The following CD99L2 variants were observed in gnomAD, a reference collection of about 807,000 sequenced individuals.
CD99L2 encodes the protein CD99 molecule like 2.
In CD99L2, 24 loss-of-function variants were observed where a neutral mutation model predicts 27.3. That is an observed-to-expected ratio of 0.88 (90% confidence interval 0.64 to 1.24). The LOEUF is 1.24. Ranked by LOEUF, CD99L2 falls within the 50% of genes most tolerant of loss-of-function variation. CD99L2 has a pLI of 0.00. For missense variants in CD99L2, 255 were observed against 221.6 expected, an observed-to-expected ratio of 1.15 and a Z score of -0.96; for synonymous variants, 97 against 87.9, an observed-to-expected ratio of 1.10 and a Z score of -0.58.
At chrX:150,778,285 C>G (rs1207868193) in intron 7 of CD99L2, among the ~76,000 whole-genome samples, 1 of 110,671 alleles carries the variant, frequency 9.0e-6, no homozygotes, top group Non-Finnish European at 1.9e-5. Flanking sequence ...TCATGCCACC[C>G]TCTTCTCAGG....
intron 7 of CD99L2, among the ~76,000 whole-genome samples, chrX:150,788,965 T>C (rs1187130251): frequency 5.4e-5 from 6 of 111,912 alleles, no homozygotes; most frequent in Non-Finnish European, 1.1e-4. Flanking sequence ...AGGTGCATAG[T>C]GGTATCTTGT....
intron 1 of CD99L2, among the ~76,000 whole-genome samples, chrX:150,872,441 A>G (rs2047171239): frequency 1.0e-5 from 1 of 97,396 alleles, no homozygotes; most frequent in African/African-American, 4.2e-5. Flanking sequence ...TAGGAAACAT[A>G]CCAGAACTGA....
At chrX:150,809,030 A>C (rs1459224027) in intron 4 of CD99L2, among the ~76,000 whole-genome samples, 1 of 110,956 alleles carries the variant, frequency 9.0e-6, no homozygotes, top group Non-Finnish European at 1.9e-5. Context: ...AAGATGCCAC[A>C]CTGCTGACTT....
intron 1 of CD99L2, among the ~76,000 whole-genome samples, chrX:150,880,431 A>G (rs1278621281): frequency 3.6e-5 from 4 of 112,260 alleles, no homozygotes; most frequent in Non-Finnish European, 7.5e-5. Flanking sequence ...CACGCTAAGT[A>G]AAAGAAGCCA....
chrX:150,840,867 C>A (rs782565921), intron 1 of CD99L2, among the ~76,000 whole-genome samples: 4 of 108,208 alleles, frequency 3.7e-5, no homozygotes, highest in Non-Finnish European at 7.6e-5. Flanking sequence ...AGGAAATGCA[C>A]TCTAATATAT....
At position 150,796,673 on chromosome X, in the gene CD99L2, C is replaced by T. The variant is rs146895069; in HGVS notation, c.278-1187G>A. ...GATTTAATTGGCACAACAGGACACACCAGCCAATTACAGCAGAGTAAACAA... is the reference window on the plus strand; with the variant it reads ...GATTTAATTGGCACAACAGGACACATCAGCCAATTACAGCAGAGTAAACAA... On this transcript the variant is annotated intron_variant, in intron 4 of 10. Coordinates refer to ENST00000370377, the MANE Select transcript of CD99L2 (RefSeq NM_031462.4). 2.8e-3 allele frequency among the ~76,000 whole-genome samples: 317 copies of T among 112,229 alleles called. 1 individual carries two copies. The highest frequency in any genetic ancestry group is 0.01 in the African/African-American group (311 of 30,951).
chrX:150,777,027 C>G (rs1203327187), intron 8 of CD99L2: 2 of 177,977 alleles, frequency 1.1e-5, no homozygotes, highest in Non-Finnish European at 2.0e-5. Context: ...CTTTTGAGTC[C>G]TTGATCAGCC....
intron 9 of CD99L2, among the ~76,000 whole-genome samples, chrX:150,770,669 G>A (rs989004436): frequency 1.5e-4 from 17 of 113,065 alleles, no homozygotes; most frequent in African/African-American, 5.5e-4. Context: ...CGGCAGCTCC[G>A]CCCAGTGGAG....
intron 9 of CD99L2, among the ~76,000 whole-genome samples, chrX:150,775,868 G>A (rs143548318): frequency 0.015 from 1,699 of 112,268 alleles, 79 homozygotes; most frequent in Admixed American, 0.14. Context: ...CCCATTCTAC[G>A]TGAAGGAAAC....
At chrX:150,884,462 T>C (rs2047378210) in intron 1 of CD99L2, among the ~76,000 whole-genome samples, 1 of 111,989 alleles carries the variant, frequency 8.9e-6, no homozygotes, top group Non-Finnish European at 1.9e-5. Context: ...GTGGATTGCT[T>C]GAGCTTGGGG....
intron 7 of CD99L2, among the ~76,000 whole-genome samples, chrX:150,778,685 A>ATATATATAT (rs1557419365): frequency 6.1e-5 from 5 of 81,536 alleles, no homozygotes; most frequent in African/African-American, 2.5e-4. Context: ...AAAAAAAAAA[A>ATATATATAT]ATATATATAT....
At chrX:150,848,286 G>A (rs1406970849) in intron 1 of CD99L2, among the ~76,000 whole-genome samples, 1 of 111,443 alleles carries the variant, frequency 9.0e-6, no homozygotes, top group Non-Finnish European at 1.9e-5. Flanking sequence ...AGTGTAATAA[G>A]TCAATCACAA....
intron 1 of CD99L2, among the ~76,000 whole-genome samples, chrX:150,838,119 C>T (rs1557421260): frequency 8.9e-6 from 1 of 112,251 alleles, no homozygotes; most frequent in African/African-American, 3.2e-5. Context: ...CCCGTAACTC[C>T]AGTCTAATCA....
chrX:150,793,508 A>G (rs1378690315), intron 7 of CD99L2, among the ~76,000 whole-genome samples, 183 bp downstream of exon 7: 5 of 112,484 alleles, frequency 4.4e-5, no homozygotes, highest in Admixed American at 2.8e-4. Flanking sequence ...GGCTTTTCCA[A>G]GATGGCTTAT....
intron 7 of CD99L2, among the ~76,000 whole-genome samples, chrX:150,790,923 T>C (rs1462079548): frequency 9.0e-6 from 1 of 111,688 alleles, no homozygotes; most frequent in African/African-American, 3.3e-5. Context: ...AATGTGATGA[T>C]ATTAGGAGGT....
At chrX:150,811,685 G>T (rs1394741191) in intron 4 of CD99L2, among the ~76,000 whole-genome samples, 2 of 111,848 alleles carry the variant, frequency 1.8e-5, no homozygotes, top group African/African-American at 6.5e-5. Context: ...AACAAAAACA[G>T]TTATATTCCA....
intron 1 of CD99L2, among the ~76,000 whole-genome samples, chrX:150,873,760 C>A (rs1267948467): frequency 2.7e-5 from 3 of 111,077 alleles, no homozygotes; most frequent in African/African-American, 9.8e-5. Context: ...GCACCCAGAG[C>A]ATGAGATGGG....
chrX:150,883,825 G>A (rs1369000309), intron 1 of CD99L2, among the ~76,000 whole-genome samples: 1 of 112,207 alleles, frequency 8.9e-6, no homozygotes, highest in African/African-American at 3.2e-5. Context: ...ATTCATAAAA[G>A]AGGAAACCAA....
At chrX:150,867,943 G>A (rs1021367695) in intron 1 of CD99L2, among the ~76,000 whole-genome samples, 113 of 99,656 alleles carry the variant, frequency 1.1e-3, no homozygotes, top group Non-Finnish European at 1.9e-3. Context: ...TTAGCTGGGC[G>A]TGGTAGCACA....
Sources: allele counts gnomAD v4.1 joint callset (sites outside exome capture counted in the v4.1 genomes callset), GRCh38; gene constraint gnomAD v4.1.1; transcripts MANE v1.5; gene names NCBI Gene and HGNC (gene_info 2026-07-23, HGNC 2026-07-21).